The following MEI4 variants were observed in gnomAD, a reference collection of about 807,000 sequenced individuals.
MEI4 encodes the protein meiosis-specific protein MEI4.
In MEI4, 27 loss-of-function variants were observed where a neutral mutation model predicts 31.4. That is an observed-to-expected ratio of 0.86 (90% confidence interval 0.63 to 1.19). The LOEUF (loss-of-function observed/expected upper bound fraction) is 1.19, where lower values mean the gene tolerates loss of function less well. MEI4 is among the 50% of genes most tolerant of loss of function. MEI4 has a pLI of 0.00. For missense variants in MEI4, 329 were observed against 398.9 expected (o/e 0.82, Z 1.49); for synonymous variants, 122 against 145.4 (o/e 0.84, Z 1.16).
chr6:77,882,237 C>T (rs916460310), intron 4 of MEI4, among the ~76,000 whole-genome samples: 1 of 152,156 alleles, frequency 6.6e-6, no homozygotes, highest in Non-Finnish European at 1.5e-5. Flanking sequence ...GCATCACCCC[C>T]CCAGTGTATC....
chr6:77,731,677 G>A (rs1037271791), intron 2 of MEI4, among the ~76,000 whole-genome samples: 19 of 151,224 alleles, frequency 1.3e-4, no homozygotes, highest in Admixed American at 3.9e-4. Flanking sequence ...CATTGCTTTT[G>A]GTGTTTTAGA....
intron 2 of MEI4, among the ~76,000 whole-genome samples, chr6:77,693,117 A>G (rs903560820): frequency 6.6e-6 from 1 of 152,078 alleles, no homozygotes; most frequent in Non-Finnish European, 1.5e-5. Context: ...ATGAAAACCC[A>G]GTAACTTAAT....
chr6:77,675,422 T>A (rs1008561788), intron 1 of MEI4, among the ~76,000 whole-genome samples: 2 of 152,116 alleles, frequency 1.3e-5, no homozygotes, highest in Admixed American at 1.3e-4. Context: ...ATAGGTTTAA[T>A]GTGCTATATG....
chr6:77,881,829 T>C (rs943262191), intron 4 of MEI4, among the ~76,000 whole-genome samples: 1 of 148,914 alleles, frequency 6.7e-6, no homozygotes, highest in African/African-American at 2.6e-5. Flanking sequence ...TCTTGTGAAA[T>C]TTATTTTATA....
intron 2 of MEI4, among the ~76,000 whole-genome samples, chr6:77,716,598 G>T (rs1285667517): frequency 6.6e-6 from 1 of 152,164 alleles, no homozygotes; most frequent in Non-Finnish European, 1.5e-5. Flanking sequence ...CAAAAAAGGG[G>T]AGTAACTTGG....
intron 3 of MEI4, among the ~76,000 whole-genome samples, chr6:77,800,519 C>T (rs547754855): frequency 2.0e-4 from 31 of 152,318 alleles, no homozygotes; most frequent in African/African-American, 7.2e-4. Flanking sequence ...GCAGAACTTC[C>T]AACACTGTGT....
intron 1 of MEI4, among the ~76,000 whole-genome samples, chr6:77,675,018 A>AT (rs1408786977): frequency 6.6e-6 from 1 of 151,940 alleles, no homozygotes; most frequent in Non-Finnish European, 1.5e-5. Context: ...TCATTGCTTA[A>AT]TAGTATTTGT....
chr6:77,801,578 T>G (rs923776416), intron 3 of MEI4, among the ~76,000 whole-genome samples: 1 of 152,198 alleles, frequency 6.6e-6, no homozygotes, highest in Non-Finnish European at 1.5e-5. Flanking sequence ...AATTGTGATG[T>G]TAGGGTGTCA....
intron 3 of MEI4, among the ~76,000 whole-genome samples, chr6:77,783,204 AAG>A (rs1768638587): frequency 6.6e-6 from 1 of 152,186 alleles, no homozygotes; most frequent in Admixed American, 6.6e-5. Flanking sequence ...AGGTTTATCT[AAG>A]AGAAACAAGT....
rs149359052 is a variant in MEI4 at position 77,834,436 on chromosome 6, G to A, written c.900+5374G>A. On this transcript the variant is annotated intron_variant, in intron 4 of 4. Coordinates refer to ENST00000684080, the MANE Select transcript of MEI4 (RefSeq NM_001322247.2). The stretch of plus-strand genomic sequence containing the variant: ...ATTATATATTTATAGATTATATGTC[G>A]TATAAAATAATTTTATAATATAAAT... Among the ~76,000 whole-genome samples, 251 of 145,076 alleles carry A rather than the reference G, an allele frequency of 1.7e-3. 1 individual carries two copies. Among genetic ancestry groups the A allele is most frequent in the African/African-American group, 4.6e-3 (186 of 40,246 alleles).
intron 2 of MEI4, among the ~76,000 whole-genome samples, chr6:77,732,779 C>G (rs1767048409): frequency 6.6e-6 from 1 of 151,976 alleles, no homozygotes; most frequent in Non-Finnish European, 1.5e-5. Flanking sequence ...ATAGATAGCT[C>G]TTATTATTTT....
chr6:77,874,798 G>T (rs902020664), intron 4 of MEI4, among the ~76,000 whole-genome samples: 11 of 152,136 alleles, frequency 7.2e-5, no homozygotes, highest in African/African-American at 2.7e-4. Flanking sequence ...CTAATTTGTT[G>T]AGAGTTTTTA....
rs558261960 is a variant in MEI4 at position 77,733,799 on chromosome 6, A to G, written c.233-27331A>G. ...AATTTCCCTCTACACAGTGCTTTGA[A>G]TGTGTCCCAGAGATTCTGGTATGTT... On this transcript the variant is annotated intron_variant, in intron 2 of 4. Transcript: ENST00000684080. Among the ~76,000 whole-genome samples the G allele has an allele frequency of 2.1e-4, 32 of 152,050 alleles. No individual in the cohort carries two copies. In the South Asian group the frequency reaches 3.3e-3, roughly 16 times the overall value.
At chr6:77,879,131 T>A (rs1207203816) in intron 4 of MEI4, among the ~76,000 whole-genome samples, 1 of 152,164 alleles carries the variant, frequency 6.6e-6, no homozygotes, top group Non-Finnish European at 1.5e-5. Flanking sequence ...AACTAAAATG[T>A]ATATGTATAG....
intron 4 of MEI4, among the ~76,000 whole-genome samples, chr6:77,917,159 C>G (rs902947978): frequency 6.6e-6 from 1 of 152,008 alleles, no homozygotes; most frequent in African/African-American, 2.4e-5. Flanking sequence ...TTTTCTTAAT[C>G]CAGTCTATCA....
intron 2 of MEI4, among the ~76,000 whole-genome samples, chr6:77,734,774 GGTT>G (rs1295675124): frequency 1.3e-5 from 2 of 152,006 alleles, no homozygotes; most frequent in Non-Finnish European, 2.9e-5. Flanking sequence ...GGCTGTTACT[GGTT>G]GTTCCTTTCC....
rs139251576 is a variant in MEI4 at position 77,852,320 on chromosome 6, T to G, written c.900+23258T>G. Reference sequence around the variant, plus strand: ...GCTGCAGTCATCAGAAGGGCTAAGATGCCCACAGTTTTATTCACCATGGCT... The same window carrying G: ...GCTGCAGTCATCAGAAGGGCTAAGAGGCCCACAGTTTTATTCACCATGGCT... On this transcript the variant is annotated intron_variant, in intron 4 of 4. Coordinates refer to ENST00000684080, the MANE Select transcript of MEI4 (RefSeq NM_001322247.2). Among the ~76,000 whole-genome samples the G allele has an allele frequency of 5.5e-3, 839 of 152,320 alleles. 5 individuals carry two copies. The highest frequency in any genetic ancestry group is 0.019 in the African/African-American group (794 of 41,586).
chr6:77,856,984 G>A (rs778231707), intron 4 of MEI4, among the ~76,000 whole-genome samples: 48 of 152,172 alleles, frequency 3.2e-4, no homozygotes, highest in South Asian at 1.0e-3. Flanking sequence ...GATTTGATTG[G>A]TTGGCTTTAT....
At chr6:77,757,145 G>A (rs964802347) in intron 2 of MEI4, among the ~76,000 whole-genome samples, 1 of 152,200 alleles carries the variant, frequency 6.6e-6, no homozygotes. Context: ...GCAAATTAGA[G>A]ATCAAAATAA....
Sources: gnomAD v4.1 joint callset for allele counts (sites outside exome capture counted in the v4.1 genomes callset) on GRCh38, gnomAD v4.1.1 for gene constraint, MANE v1.5 for transcripts, NCBI Gene and HGNC (gene_info 2026-07-23, HGNC 2026-07-21) for gene names.